Variants in SLC4A4 observed in about 807,000 individuals in gnomAD.
SLC4A4 encodes the protein electrogenic sodium bicarbonate cotransporter 1.
A neutral mutation model predicts 111.5 loss-of-function variants in SLC4A4; 27 were observed. The ratio of observed to expected loss-of-function variants is 0.24; its 90% CI spans 0.18 to 0.33. SLC4A4 has a LOEUF of 0.33. SLC4A4 is among the 10% of genes least tolerant of loss of function. The pLI is 1.00. For missense variants in SLC4A4, 909 were observed against 1,315.5 expected (o/e 0.69, Z 4.78); for synonymous variants, 443 against 463.4 (o/e 0.96, Z 0.57).
intron 2 of SLC4A4, among the ~76,000 whole-genome samples, chr4:71,149,877 C>A (rs1351565330): frequency 6.6e-6 from 1 of 152,142 alleles, no homozygotes; most frequent in Non-Finnish European, 1.5e-5. Flanking sequence ...TCAAATGGAG[C>A]CCCTAAATCC....
intron 1 of SLC4A4, among the ~76,000 whole-genome samples, chr4:71,064,411 C>T (rs1741462775): frequency 6.6e-6 from 1 of 152,042 alleles, no homozygotes; most frequent in Admixed American, 6.6e-5. Flanking sequence ...GCTGCAGAGC[C>T]CATTAGAGTC....
intron 7 of SLC4A4, among the ~76,000 whole-genome samples, chr4:71,421,710 A>G (rs1722528212): frequency 6.6e-6 from 1 of 152,216 alleles, no homozygotes; most frequent in Non-Finnish European, 1.5e-5. Flanking sequence ...CTTCATGGAA[A>G]CTGAACAACC....
At chr4:71,295,115 A>G (rs1163054264) in intron 3 of SLC4A4, among the ~76,000 whole-genome samples, 3 of 152,220 alleles carry the variant, frequency 2.0e-5, no homozygotes, top group Admixed American at 6.5e-5. Flanking sequence ...TAAACAGCTC[A>G]TTTCTGCAGG....
intron 2 of SLC4A4, among the ~76,000 whole-genome samples, chr4:71,245,688 C>G (rs1467921306): frequency 2.0e-5 from 3 of 151,938 alleles, no homozygotes; most frequent in African/African-American, 7.3e-5. Context: ...CAAGCAGGAA[C>G]TAAGAAGAAA....
intron 6 of SLC4A4, among the ~76,000 whole-genome samples, chr4:71,377,139 G>T (rs1326619918): frequency 6.6e-6 from 1 of 152,152 alleles, no homozygotes; most frequent in Non-Finnish European, 1.5e-5. Context: ...CGTATTGATA[G>T]ATATGACCCA....
At position 71,568,106 on chromosome 4, in the gene SLC4A4, T is replaced by G; in HGVS notation, c.*355T>G. 4.5e-6 allele frequency: 2 copies of G among 445,678 alleles called. No individual in the cohort carries two copies. Among genetic ancestry groups the G allele is most frequent in the Non-Finnish European group, 7.9e-6 (2 of 251,684 alleles). 27.6% of individuals were successfully genotyped at this position (445,678 alleles called of 1,614,324 possible). ...ATCTGAGGAATCCCCCTTTTGTTCT[T>G]AAACTTTCAGATGTGTCCTTTGATA... On this transcript the variant is annotated 3_prime_UTR_variant, in exon 26 of 26. Transcript: ENST00000264485.
At chr4:71,334,137 C>T (rs1728238103) in intron 3 of SLC4A4, among the ~76,000 whole-genome samples, 1 of 152,132 alleles carries the variant, frequency 6.6e-6, no homozygotes, top group Non-Finnish European at 1.5e-5. Context: ...CTGAAGCCAG[C>T]ATAGCTCTGG....
At chr4:71,441,673 A>C (rs1390208142) in intron 8 of SLC4A4, among the ~76,000 whole-genome samples, 1 of 152,158 alleles carries the variant, frequency 6.6e-6, no homozygotes, top group Non-Finnish European at 1.5e-5. Context: ...AACAGTGTAA[A>C]GAGGCTCAAG....
Position 71,494,450 on chromosome 4 carries a change from A to G in SLC4A4, c.1975-3051A>G, listed in dbSNP as rs141723724. Among the ~76,000 whole-genome samples, 22 of 151,804 alleles carry G rather than the reference A, an allele frequency of 1.4e-4. No individual in the cohort carries two copies. The East Asian group carries it at 4.3e-3, about 30-fold the overall frequency. ...TGCCTCAGTCTCCAGAGTAGCTAGG[A>G]CCACAGGCATGCACCACTTAGCCTG... is the stretch of plus-strand genomic sequence containing the variant. On this transcript the variant is annotated intron_variant, in intron 15 of 25. Coordinates refer to ENST00000264485, the MANE Select transcript of SLC4A4 (RefSeq NM_001098484.3).
chr4:71,558,893 G>T (rs936216359), intron 22 of SLC4A4, among the ~76,000 whole-genome samples: 2 of 151,340 alleles, frequency 1.3e-5, no homozygotes, highest in Non-Finnish European at 3.0e-5. Context: ...TTACTGAAAA[G>T]CACACTGAGT....
chr4:71,416,691 A>AATT (rs201948798), intron 7 of SLC4A4, among the ~76,000 whole-genome samples: 25 of 151,564 alleles, frequency 1.6e-4, no homozygotes, highest in Middle Eastern at 3.4e-3. Flanking sequence ...AAACATTTTA[A>AATT]ATTATTATTA....
intron 16 of SLC4A4, among the ~76,000 whole-genome samples, chr4:71,524,185 G>A (rs1733214027): frequency 6.6e-6 from 1 of 152,096 alleles, no homozygotes; most frequent in Non-Finnish European, 1.5e-5. Flanking sequence ...TGTGTTTTCT[G>A]TATTCCCAAA....
intron 16 of SLC4A4, among the ~76,000 whole-genome samples, chr4:71,513,835 C>T (rs913937849): frequency 7.2e-5 from 11 of 152,104 alleles, no homozygotes; most frequent in Non-Finnish European, 1.2e-4. Flanking sequence ...GAGTTTTTAT[C>T]ATGAAAGGAT....
intron 1 of SLC4A4, among the ~76,000 whole-genome samples, chr4:71,192,310 G>A (rs1165593563): frequency 5.3e-5 from 8 of 152,068 alleles, no homozygotes; most frequent in Non-Finnish European, 1.2e-4. Flanking sequence ...AAGTCTCTGA[G>A]CAGGCAAAAT....
At chr4:71,446,811 T>C (rs1162872003) in intron 8 of SLC4A4, among the ~76,000 whole-genome samples, 1 of 152,210 alleles carries the variant, frequency 6.6e-6, no homozygotes, top group African/African-American at 2.4e-5. Flanking sequence ...GTAGATTTTT[T>C]TGTAAATTTT....
intron 7 of SLC4A4, among the ~76,000 whole-genome samples, chr4:71,406,512 G>A (rs1372571186): frequency 6.6e-6 from 1 of 152,028 alleles, no homozygotes; most frequent in East Asian, 1.9e-4. Flanking sequence ...TCCAGTGGCT[G>A]GTTGATTTAT....
At chr4:71,474,711 G>A (rs968783402) in intron 14 of SLC4A4, among the ~76,000 whole-genome samples, 7 of 149,620 alleles carry the variant, frequency 4.7e-5, no homozygotes, top group Non-Finnish European at 8.9e-5. Flanking sequence ...ATATTTAAAA[G>A]CAATGCAGAA....
At chr4:71,209,402 G>C (rs1717993215) in intron 1 of SLC4A4, among the ~76,000 whole-genome samples, 1 of 152,214 alleles carries the variant, frequency 6.6e-6, no homozygotes, top group Non-Finnish European at 1.5e-5. Context: ...GATGTTGCAA[G>C]AACAGGGTCA....
chr4:71,243,586 T>C (rs1720415716), intron 2 of SLC4A4, among the ~76,000 whole-genome samples: 1 of 152,198 alleles, frequency 6.6e-6, no homozygotes, highest in East Asian at 1.9e-4. Context: ...GGTGAGAGCC[T>C]GCAATGGCAT....
Sources: gnomAD v4.1 joint callset for allele counts (sites outside exome capture counted in the v4.1 genomes callset) on GRCh38, gnomAD v4.1.1 for gene constraint, MANE v1.5 for transcripts, NCBI Gene and HGNC (gene_info 2026-07-23, HGNC 2026-07-21) for gene names.